TBX18: variants seen among roughly 807,000 people sequenced by gnomAD.
TBX18 encodes the protein T-box transcription factor TBX18.
Under a neutral mutation model 55.0 loss-of-function variants are expected in TBX18, and 21 were observed. The ratio of observed to expected loss-of-function variants is 0.38; its 90% CI spans 0.27 to 0.55. The LOEUF (loss-of-function observed/expected upper bound fraction) is 0.55, where lower values mean the gene tolerates loss of function less well. Among genes scored for constraint, TBX18 ranks in the 20% least tolerant of loss-of-function variants. TBX18 has a pLI of 0.73. For missense variants in TBX18, 840 were observed against 799.6 expected (o/e 1.05, Z -0.61); for synonymous variants, 342 against 326.1 (o/e 1.05, Z -0.53).
chr6:84,744,335 A>G lies in TBX18; in HGVS notation c.940-10T>C. On this transcript the variant is annotated splice_polypyrimidine_tract_variant and intron_variant, in intron 5 of 7. Transcript: ENST00000369663. ...TCTTCAGGCGAGTAATCTGCAGAGT[A>G]GGAAAAAAAAATATCAAATCTTATA... The G allele has an allele frequency of 6.2e-7, 1 of 1,606,146 alleles. No individual in the cohort carries two copies. The highest frequency in any genetic ancestry group is 8.5e-7 in the Non-Finnish European group (1 of 1,177,016).
chr6:84,762,686 T>G lies in TBX18; in HGVS notation c.355A>C (p.Lys119Gln). The change falls in exon 2 of 8, where the codon AAG (lysine) becomes CAG (glutamine). Residue 119 changes from lysine (K) to glutamine (Q), a missense_variant. Physicochemically the swap from Lys to Gln is moderately conservative, Grantham distance 53 (BLOSUM62 1). Transcript: ENST00000369663. Reference sequence around the variant, plus strand: ...GCCAGGGAGCGCGCCGGAGACCCCTTGGGGGAGCCTCCCGGTGACGCCAGA... The same window carrying G: ...GCCAGGGAGCGCGCCGGAGACCCCTGGGGGGAGCCTCCCGGTGACGCCAGA... ...SPLASPGGSP[K>Q]GSPARSLARP... 1.2e-6 allele frequency: 2 copies of G among 1,610,388 alleles called. No individual in the cohort carries two copies. Among genetic ancestry groups the G allele is most frequent in the Non-Finnish European group, 1.7e-6 (2 of 1,178,922 alleles).
At chr6:84,738,380 C>T (rs1339318179) in intron 7 of TBX18, 117 bp downstream of exon 7, 1 of 838,554 alleles carries the variant, frequency 1.2e-6, no homozygotes, top group Non-Finnish European at 2.0e-6. Context: ...ATCTGTAGGA[C>T]AATGCTGGTG....
intron 4 of TBX18, among the ~76,000 whole-genome samples, chr6:84,755,124 T>TATC (rs3067781): frequency 0.88 from 134,217 of 151,924 alleles, 59,502 homozygotes; most frequent in African/African-American, 0.96. Flanking sequence ...ATAAAGTTAA[T>TATC]ATATAGATTG....
intron 4 of TBX18, among the ~76,000 whole-genome samples, chr6:84,750,194 A>C (rs958008004): frequency 6.7e-6 from 1 of 149,572 alleles, no homozygotes; most frequent in African/African-American, 2.5e-5. Flanking sequence ...CTGAGGCAGG[A>C]GGATAGCTTG....
chr6:84,758,136 G>A (rs1455311042), intron 3 of TBX18, among the ~76,000 whole-genome samples: 2 of 151,938 alleles, frequency 1.3e-5, no homozygotes, highest in East Asian at 1.9e-4. Flanking sequence ...GGCCAGAGGC[G>A]GTGGCTCATG....
intron 4 of TBX18, among the ~76,000 whole-genome samples, chr6:84,752,274 T>C (rs1767370101): frequency 6.6e-6 from 1 of 152,202 alleles, no homozygotes; most frequent in South Asian, 2.1e-4. Context: ...TGTCTAGTCT[T>C]ACAGGATAGC....
chr6:84,754,441 T>G (rs1767433394), intron 4 of TBX18, among the ~76,000 whole-genome samples: 1 of 152,230 alleles, frequency 6.6e-6, no homozygotes. Flanking sequence ...CACATGTTAA[T>G]GTACCTGTAT....
chr6:84,755,933 T>C (rs1323322450), intron 4 of TBX18, among the ~76,000 whole-genome samples: 3 of 152,260 alleles, frequency 2.0e-5, no homozygotes, highest in Admixed American at 2.0e-4. Flanking sequence ...TTGGTATTTC[T>C]TTTATGTATG....
chr6:84,753,549 G>A (rs1201596871), intron 4 of TBX18, among the ~76,000 whole-genome samples: 1 of 152,162 alleles, frequency 6.6e-6, no homozygotes, highest in Non-Finnish European at 1.5e-5. Flanking sequence ...AGGGCTGAGG[G>A]TGGGCAGGGG....
chr6:84,741,556 C>CTGCA (rs1320941892), intron 6 of TBX18: 2 of 152,014 alleles, frequency 1.3e-5, no homozygotes, highest in Non-Finnish European at 2.9e-5. Context: ...CCATAAATAG[C>CTGCA]CAGAAAAGGA....
chr6:84,740,865 G>A (rs1285201974), intron 6 of TBX18, among the ~76,000 whole-genome samples: 2 of 152,182 alleles, frequency 1.3e-5, no homozygotes, highest in African/African-American at 4.8e-5. Context: ...ACTGGACTTA[G>A]AAACTGACTA....
At chr6:84,745,878 A>C (rs1397061223) in intron 5 of TBX18, among the ~76,000 whole-genome samples, 1 of 152,174 alleles carries the variant, frequency 6.6e-6, no homozygotes, top group Non-Finnish European at 1.5e-5. Flanking sequence ...TACTCATTTA[A>C]TTACTAGAGC....
chr6:84,750,452 T>A (rs1188446473), intron 4 of TBX18, among the ~76,000 whole-genome samples: 1 of 152,178 alleles, frequency 6.6e-6, no homozygotes, highest in Non-Finnish European at 1.5e-5. Context: ...GAGGTCTATT[T>A]ACCGCCCTCC....
intron 6 of TBX18, chr6:84,742,604 G>C (rs1767073346): frequency 1.3e-5 from 2 of 152,064 alleles, no homozygotes; most frequent in African/African-American, 4.8e-5. Flanking sequence ...TTCAAAAATG[G>C]ACTATATACA....
In TBX18 at chr6:84,733,970, A is replaced by G. The variant is rs1441217065; in HGVS notation, c.*2715T>C. ...TCAAGGGTCAGCAACTGGGTGCCTC[A>G]CTTGTGAAAAGCTGTTGACCTCTGG... On this transcript the variant is annotated 3_prime_UTR_variant, in exon 8 of 8. Transcript: ENST00000369663. The G allele has an allele frequency of 6.6e-6, 1 of 152,148 alleles. No individual in the cohort carries two copies. The highest frequency in any genetic ancestry group is 1.5e-5 in the Non-Finnish European group (1 of 68,022). 9.4% of individuals were successfully genotyped at this position (152,148 alleles called of 1,614,324 possible). A position where few individuals can be genotyped will look rare whatever the true frequency, so the allele number is the denominator to read the frequency against.
chr6:84,746,493 T>A (rs1767194231), intron 5 of TBX18, among the ~76,000 whole-genome samples: 1 of 146,868 alleles, frequency 6.8e-6, no homozygotes, highest in African/African-American at 2.5e-5. Flanking sequence ...ACTATTTATA[T>A]ATTTATATTG....
At chr6:84,760,159 G>A (rs1767609129) in intron 3 of TBX18, 96 bp downstream of exon 3, 1 of 698,698 alleles carries the variant, frequency 1.4e-6, no homozygotes, top group African/African-American at 1.8e-5. Flanking sequence ...ACAGACTTCT[G>A]GAAGCAAAGA....
intron 5 of TBX18, among the ~76,000 whole-genome samples, chr6:84,746,594 A>T (rs1201286663): frequency 2.0e-5 from 3 of 146,810 alleles, no homozygotes; most frequent in African/African-American, 7.4e-5. Flanking sequence ...TATATAATGT[A>T]TATATCTTAT....
intron 4 of TBX18, among the ~76,000 whole-genome samples, chr6:84,749,215 G>A (rs1056100359): frequency 6.6e-6 from 1 of 152,140 alleles, no homozygotes; most frequent in African/African-American, 2.4e-5. Context: ...TCATTAAGGA[G>A]TTTCCTTAAG....
Sources: allele counts gnomAD v4.1 joint callset (sites outside exome capture counted in the v4.1 genomes callset), GRCh38; gene constraint gnomAD v4.1.1; transcripts MANE v1.5; gene names NCBI Gene and HGNC (gene_info 2026-07-23, HGNC 2026-07-21).